CCSER1: variants seen among roughly 807,000 people sequenced by gnomAD.
CCSER1 encodes serine-rich coiled-coil domain-containing protein 1.
A neutral mutation model predicts 82.0 loss-of-function variants in CCSER1; 41 were observed. That is an observed-to-expected ratio of 0.50 (90% CI 0.39 to 0.65). CCSER1 has a LOEUF of 0.65. Among genes scored for constraint, CCSER1 ranks in the 30% least tolerant of loss-of-function variants. CCSER1 has a pLI of 0.00. For missense variants in CCSER1, 1,119 were observed against 1,064.2 expected (o/e 1.05, Z -0.72); for synonymous variants, 414 against 383.9 (o/e 1.08, Z -0.92).
intron 7 of CCSER1, chr4:90,781,618 A>G: frequency 1.0e-6 from 1 of 975,236 alleles, no homozygotes; most frequent in Non-Finnish European, 1.2e-6. Flanking sequence ...AGGTGTTTTT[A>G]ATACTTTTTT....
intron 8 of CCSER1, among the ~76,000 whole-genome samples, chr4:90,844,097 T>G (rs546950871): frequency 1.6e-4 from 24 of 149,568 alleles, no homozygotes; most frequent in African/African-American, 5.6e-4. Flanking sequence ...CTTCCTCTGT[T>G]TGTGTGTGTG....
At chr4:90,696,216 T>C (rs1470281307) in intron 6 of CCSER1, among the ~76,000 whole-genome samples, 2 of 152,156 alleles carry the variant, frequency 1.3e-5, no homozygotes, top group Non-Finnish European at 2.9e-5. Context: ...TCACCTGTGT[T>C]TTGTGGCTGA....
At chr4:90,621,227 C>T (rs1722269749) in intron 5 of CCSER1, among the ~76,000 whole-genome samples, 1 of 152,136 alleles carries the variant, frequency 6.6e-6, no homozygotes, top group African/African-American at 2.4e-5. Flanking sequence ...TATAATTTTT[C>T]TGTGTTTTTT....
intron 7 of CCSER1, among the ~76,000 whole-genome samples, chr4:90,751,288 A>G (rs1234675394): frequency 6.6e-6 from 1 of 152,154 alleles, no homozygotes; most frequent in Non-Finnish European, 1.5e-5. Context: ...TTAGCTTTTC[A>G]ATGTGTTCAT....
intron 9 of CCSER1, among the ~76,000 whole-genome samples, chr4:90,942,448 A>AT (rs1235157489): frequency 4.6e-5 from 7 of 152,184 alleles, no homozygotes; most frequent in Admixed American, 3.9e-4. Context: ...TTTTAAAATT[A>AT]TTTTTCTATT....
At chr4:90,513,396 A>G (rs935543836) in intron 5 of CCSER1, among the ~76,000 whole-genome samples, 1 of 152,214 alleles carries the variant, frequency 6.6e-6, no homozygotes, top group African/African-American at 2.4e-5. Context: ...TAGAAAAATT[A>G]TTGCAATCTG....
chr4:91,137,023 T>A lies in CCSER1; in HGVS notation c.2217+51029T>A, dbSNP rs560042032. ...TGTTTATAAAAATTCTTTTTTTTTT[T>A]ATTATACTTTAAGTTTTAGGGTACA... On this transcript the variant is annotated intron_variant, in intron 10 of 10. Coordinates refer to ENST00000509176, the MANE Select transcript of CCSER1 (RefSeq NM_001145065.2). Among the ~76,000 whole-genome samples, 20 of 145,760 alleles carry A rather than the reference T, an allele frequency of 1.4e-4. No homozygotes were observed. The South Asian group carries it at 2.2e-3, about 16-fold the overall frequency.
chr4:90,493,226 A>G (rs1033925833), intron 5 of CCSER1, among the ~76,000 whole-genome samples: 1 of 152,210 alleles, frequency 6.6e-6, no homozygotes, highest in Non-Finnish European at 1.5e-5. Flanking sequence ...AAAGAGTAAA[A>G]AGAAATGAAC....
chr4:91,444,481 C>T lies in CCSER1; in HGVS notation c.2218-154091C>T, dbSNP rs112743636. On this transcript the variant is annotated intron_variant, in intron 10 of 10. Transcript: ENST00000509176. Reference sequence around the variant, plus strand: ...TGCTTTTTTTTTGAGACAGAGTCTCCCTCTATCACCCAGGCTGGAGTGCAA... The same window carrying T: ...TGCTTTTTTTTTGAGACAGAGTCTCTCTCTATCACCCAGGCTGGAGTGCAA... Among the ~76,000 whole-genome samples the T allele has an allele frequency of 5.5e-4, 84 of 151,842 alleles. 1 individual carries two copies. Among genetic ancestry groups the T allele is most frequent in the South Asian group, 3.7e-3 (18 of 4,818 alleles).
chr4:91,298,120 A>ACTACTATTT (rs1744361963), intron 10 of CCSER1, among the ~76,000 whole-genome samples: 3 of 152,088 alleles, frequency 2.0e-5, no homozygotes, highest in Non-Finnish European at 4.4e-5. Flanking sequence ...TTTTACTATT[A>ACTACTATTT]ACTGTGATTA....
At chr4:90,395,648 A>G (rs376927883) in intron 3 of CCSER1, among the ~76,000 whole-genome samples, 27 of 149,350 alleles carry the variant, frequency 1.8e-4, no homozygotes, top group East Asian at 1.4e-3. Context: ...TCTACTTGCT[A>G]TGTGCTCTTA....
At chr4:91,368,919 G>T (rs986905994) in intron 10 of CCSER1, among the ~76,000 whole-genome samples, 1 of 152,294 alleles carries the variant, frequency 6.6e-6, no homozygotes, top group South Asian at 2.1e-4. Context: ...AGCATGAACA[G>T]TTACTATTGA....
At chr4:90,355,436 T>G (rs1263978860) in intron 3 of CCSER1, among the ~76,000 whole-genome samples, 2 of 151,974 alleles carry the variant, frequency 1.3e-5, no homozygotes, top group Admixed American at 1.3e-4. Flanking sequence ...TAATCTTATT[T>G]TATTTACTTT....
At chr4:91,026,264 G>A (rs1029837192) in intron 9 of CCSER1, among the ~76,000 whole-genome samples, 11 of 151,970 alleles carry the variant, frequency 7.2e-5, no homozygotes, top group Non-Finnish European at 1.5e-4. Flanking sequence ...TTTCTCTCCT[G>A]TTTCTCTGTA....
chr4:91,185,193 T>C (rs1214484209), intron 10 of CCSER1, among the ~76,000 whole-genome samples: 1 of 152,222 alleles, frequency 6.6e-6, no homozygotes, highest in Non-Finnish European at 1.5e-5. Flanking sequence ...TGCTTTGCCT[T>C]GTTTATTTGT....
chr4:90,755,416 C>A (rs972854450), intron 7 of CCSER1, among the ~76,000 whole-genome samples: 3 of 152,178 alleles, frequency 2.0e-5, no homozygotes, highest in African/African-American at 4.8e-5. Context: ...CTAGCAGTGT[C>A]TTTTAACCAA....
At chr4:90,593,207 ATTTAAC>A (rs1782917039) in intron 5 of CCSER1, among the ~76,000 whole-genome samples, 1 of 152,130 alleles carries the variant, frequency 6.6e-6, no homozygotes. Context: ...AGTTGTTCCA[ATTTAAC>A]TTTAAAAGGA....
intron 6 of CCSER1, among the ~76,000 whole-genome samples, chr4:90,719,133 T>A (rs997322170): frequency 6.6e-6 from 1 of 152,138 alleles, no homozygotes; most frequent in African/African-American, 2.4e-5. Context: ...GCTTCAGCTG[T>A]GCTTACAGCT....
chr4:91,261,062 T>C (rs567075663), intron 10 of CCSER1, among the ~76,000 whole-genome samples: 286 of 152,298 alleles, frequency 1.9e-3, no homozygotes, highest in African/African-American at 6.7e-3. Context: ...CACGCCCGGC[T>C]TCCCTAGGAA....
Sources: allele counts gnomAD v4.1 joint callset (sites outside exome capture counted in the v4.1 genomes callset), GRCh38; gene constraint gnomAD v4.1.1; transcripts MANE v1.5; gene names NCBI Gene and HGNC (gene_info 2026-07-23, HGNC 2026-07-21).